The following ATP6V1H variants were observed in gnomAD, a reference collection of about 807,000 sequenced individuals.
ATP6V1H encodes the protein V-type proton ATPase subunit H.
In ATP6V1H, 39 loss-of-function variants were observed where a neutral mutation model predicts 71.7. That is an observed-to-expected ratio of 0.54 (90% CI 0.42 to 0.71). The LOEUF (loss-of-function observed/expected upper bound fraction) is 0.71, where lower values mean the gene tolerates loss of function less well. Among genes scored for constraint, ATP6V1H ranks in the 30% least tolerant of loss-of-function variants. The pLI is 0.00. For synonymous variants in ATP6V1H, 192 were observed against 199.3 expected (o/e 0.96, Z 0.31); for missense variants, 509 against 594.9 (o/e 0.86, Z 1.50).
At chr8:53,756,733 G>A in intron 11 of ATP6V1H, 77 bp from the exon 12 acceptor site, 1 of 841,192 alleles carries the variant, frequency 1.2e-6, no homozygotes, top group East Asian at 2.7e-5. Flanking sequence ...GTATAATGAA[G>A]ATATCTTCCT....
At chr8:53,776,008 C>G (rs1370163849) in intron 9 of ATP6V1H, among the ~76,000 whole-genome samples, 2 of 152,222 alleles carry the variant, frequency 1.3e-5, no homozygotes, top group East Asian at 3.9e-4. Flanking sequence ...GGGGAAGGCT[C>G]AGGCATGGCA....
chr8:53,812,221 G>GCCTGGGTACCCTGAAGAGTTCC (rs2130466254), intron 6 of ATP6V1H, among the ~76,000 whole-genome samples: 1 of 152,250 alleles, frequency 6.6e-6, no homozygotes, highest in African/African-American at 2.4e-5. Flanking sequence ...GCCAGGCTAA[G>GCCTGGGTACCCTGAAGAGTTCC]CCTGGGTACC....
intron 12 of ATP6V1H, among the ~76,000 whole-genome samples, chr8:53,746,421 C>G (rs34081101): frequency 3.3e-5 from 5 of 151,980 alleles, no homozygotes; most frequent in Admixed American, 1.3e-4. Context: ...CTCACCACCA[C>G]GCCCAGCTCA....
intron 13 of ATP6V1H, among the ~76,000 whole-genome samples, chr8:53,732,887 G>A (rs1007211893): frequency 5.3e-5 from 8 of 152,056 alleles, no homozygotes; most frequent in African/African-American, 1.9e-4. Context: ...ACCTCAAAGG[G>A]GAGGATCAGA....
intron 11 of ATP6V1H, among the ~76,000 whole-genome samples, chr8:53,762,126 G>T (rs1344963479): frequency 6.6e-6 from 1 of 152,070 alleles, no homozygotes; most frequent in African/African-American, 2.4e-5. Context: ...CAGCTACCAA[G>T]AACATTTCCA....
At chr8:53,834,877 C>G (rs980397326) in intron 2 of ATP6V1H, among the ~76,000 whole-genome samples, 1 of 152,086 alleles carries the variant, frequency 6.6e-6, no homozygotes, top group African/African-American at 2.4e-5. Context: ...TGCAGTGGCT[C>G]ATGCCTGTAA....
At chr8:53,755,738 ATATATATTTTTTTTTTTTT>A (rs1808024502) in intron 12 of ATP6V1H, among the ~76,000 whole-genome samples, 1 of 2,224 alleles carries the variant, frequency 4.5e-4, no homozygotes, top group Non-Finnish European at 6.5e-4. Flanking sequence ...ATATATATAT[ATATATATTTTTTTTTTTTT>A]TTTTTTTTTT....
At chr8:53,824,242 C>A (rs1416146855) in intron 4 of ATP6V1H, among the ~76,000 whole-genome samples, 1 of 152,040 alleles carries the variant, frequency 6.6e-6, no homozygotes, top group Non-Finnish European at 1.5e-5. Context: ...CAAATAATTA[C>A]CCCACCAAAA....
chr8:53,819,618 A>G (rs558430779), intron 4 of ATP6V1H, among the ~76,000 whole-genome samples: 4 of 102,626 alleles, frequency 3.9e-5, no homozygotes, highest in South Asian at 3.2e-4. Context: ...TTGTATATAC[A>G]TATATACATA....
At chr8:53,798,012 C>T (rs1809797045) in intron 8 of ATP6V1H, among the ~76,000 whole-genome samples, 1 of 152,108 alleles carries the variant, frequency 6.6e-6, no homozygotes, top group Non-Finnish European at 1.5e-5. Flanking sequence ...GCAATTACCC[C>T]CAGCAAAGGC....
At position 53,769,740 on chromosome 8, in the gene ATP6V1H, T is replaced by G. The variant is rs1177605731; in HGVS notation, c.1053A>C (p.Ser351=). 6.2e-7 allele frequency: 1 copy of G among 1,601,768 alleles called. No homozygotes were observed. Among genetic ancestry groups the G allele is most frequent in the Admixed American group, 1.7e-5 (1 of 57,526 alleles). The change falls in exon 11 of 14, where the codon TCA becomes TCC. Residue 351 remains serine (S), a synonymous_variant. Transcript: ENST00000359530. ...TAAGTTCTGAACTGTATTCATCAAA[T>G]GAACTATAAAAATGTTCAAAAGAAT... ...KLGESVQDLS[S]FDEYSSELKS... is the part of the protein sequence containing the mutation.
intron 4 of ATP6V1H, among the ~76,000 whole-genome samples, chr8:53,820,129 G>A (rs915061740): frequency 6.6e-6 from 1 of 151,868 alleles, no homozygotes; most frequent in African/African-American, 2.4e-5. Flanking sequence ...ATGGGCACAG[G>A]AAGGAAGAAG....
At chr8:53,819,418 G>C (rs1195437942) in intron 4 of ATP6V1H, among the ~76,000 whole-genome samples, 1 of 149,722 alleles carries the variant, frequency 6.7e-6, no homozygotes, top group African/African-American at 2.5e-5. Context: ...TGTAGTCTCA[G>C]CTACTTCGGA....
chr8:53,716,286 C>T (rs762733404), intron 13 of ATP6V1H, among the ~76,000 whole-genome samples: 16 of 152,122 alleles, frequency 1.1e-4, no homozygotes, highest in Admixed American at 2.0e-4. Context: ...AAAGTTATTA[C>T]GATTACACAA....
chr8:53,772,903 C>CAAAAAAAAAAAAAA (rs201949406), intron 9 of ATP6V1H, among the ~76,000 whole-genome samples: 1 of 59,404 alleles, frequency 1.7e-5, no homozygotes, highest in Non-Finnish European at 3.7e-5. Context: ...CTATCAAATG[C>CAAAAAAAAAAAAAA]AAAAAAAAAA....
rs1185979905 is a variant in ATP6V1H, at chr8:53,818,858, G to T, written c.307-1328C>A. Among the ~76,000 whole-genome samples, 2 of 152,094 alleles carry T rather than the reference G, an allele frequency of 1.3e-5. 1 individual carries two copies. The highest frequency in any genetic ancestry group is 2.9e-5 in the Non-Finnish European group (2 of 68,026). Reference sequence around the variant, plus strand: ...AAATAGCACAAGGAATTATGATAAAGGTATATATAAACTTTTCCATGCAAC... The same window carrying T: ...AAATAGCACAAGGAATTATGATAAATGTATATATAAACTTTTCCATGCAAC... On this transcript the variant is annotated intron_variant, in intron 4 of 13. Transcript: ENST00000359530.
chr8:53,814,182 G>A (rs1303781811), intron 6 of ATP6V1H, among the ~76,000 whole-genome samples: 4 of 152,190 alleles, frequency 2.6e-5, no homozygotes, highest in African/African-American at 7.2e-5. Context: ...CTTTCAGAGA[G>A]CTCTCCAAAA....
chr8:53,798,307 C>T (rs1047308089), intron 8 of ATP6V1H, among the ~76,000 whole-genome samples: 73 of 151,868 alleles, frequency 4.8e-4, no homozygotes, highest in South Asian at 2.1e-4. Flanking sequence ...AGGTGGATTA[C>T]GAGGTCAGGA....
At chr8:53,767,674 C>G (rs1296677451) in intron 11 of ATP6V1H, among the ~76,000 whole-genome samples, 1 of 152,116 alleles carries the variant, frequency 6.6e-6, no homozygotes, top group Non-Finnish European at 1.5e-5. Flanking sequence ...TGTCTATAGT[C>G]AATTGATTTT....
Sources: gnomAD v4.1 joint callset for allele counts (sites outside exome capture counted in the v4.1 genomes callset) on GRCh38, gnomAD v4.1.1 for gene constraint, MANE v1.5 for transcripts, NCBI Gene and HGNC (gene_info 2026-07-23, HGNC 2026-07-21) for gene names.